ADAMTSL5: variants seen among roughly 807,000 people sequenced by gnomAD.
ADAMTSL5 encodes the protein ADAMTS-like protein 5.
In ADAMTSL5, 53 loss-of-function variants were observed where a neutral mutation model predicts 51.7. The observed-to-expected ratio is 1.03, with a 90% CI of 0.82 to 1.29. The LOEUF (loss-of-function observed/expected upper bound fraction) is 1.29, where lower values mean the gene tolerates loss of function less well. Among genes scored for constraint, ADAMTSL5 ranks in the 50% most tolerant of loss-of-function variants. ADAMTSL5 has a pLI of 0.00. For synonymous variants in ADAMTSL5, 285 were observed against 278.7 expected, an observed-to-expected ratio of 1.02 and a Z score of -0.23; for missense variants, 770 against 676.2, an observed-to-expected ratio of 1.14 and a Z score of -1.54.
In ADAMTSL5 at chr19:1,510,394, G is replaced by T. The variant is rs1373822410; in HGVS notation, c.226C>A (p.His76Asn). The change falls in exon 4 of 12, where the codon CAT (histidine) becomes AAT (asparagine). Residue 76 changes from histidine (H) to asparagine (N), a missense_variant. Coordinates refer to ENST00000330475, the MANE Select transcript of ADAMTSL5 (RefSeq NM_213604.3). ...GGCAACTGGCAGAGGCGGTACTCAT[G>T]GGAGTCTCCCCAGCACGGTTCTTCC... Reference protein sequence around the residue: ...PGEEPCWGDSHEYRLCQLPDC... With the variant: ...PGEEPCWGDSNEYRLCQLPDC... 6.2e-7 allele frequency: 1 copy of T among 1,612,988 alleles called. No homozygotes were observed. The highest frequency in any genetic ancestry group is 1.1e-5 in the South Asian group (1 of 91,004).
At chr19:1,507,897 G>A in intron 7 of ADAMTSL5, 101 bp downstream of exon 7, 2 of 1,306,564 alleles carry the variant, frequency 1.5e-6, no homozygotes, top group Admixed American at 2.1e-5. Flanking sequence ...GGGGGGCTGG[G>A]CCGCACACTG....
rs1298104907 is a variant in ADAMTSL5, at chr19:1,513,018, G to A, written c.-273C>T. On this transcript the variant is annotated 5_prime_UTR_variant, in exon 1 of 12. Transcript: ENST00000330475. This position sits in a 1 kb window ranked among gnomAD's most constrained non-coding sequence, Gnocchi z 9.9. ...GGCTCCCTGAGCGGCCCCAGGGCGA[G>A]CGGAAGCGGCGGGGCCCAAGGTGCT... 3.3e-5 allele frequency: 5 copies of A among 152,192 alleles called. No individual in the cohort carries two copies. The highest frequency in any genetic ancestry group is 3.3e-4 in the Admixed American group (5 of 15,272). 9.4% of individuals were successfully genotyped at this position (152,192 alleles called of 1,614,324 possible).
At position 1,507,510 on chromosome 19, in the gene ADAMTSL5, C is replaced by T. The variant is rs147120063; in HGVS notation, c.688+47G>A. On this transcript the variant is annotated intron_variant, in intron 8 of 11. Transcript: ENST00000330475. ...CCCCATCTGTAAACAGGGACAACCG[C>T]CCCCGGGTGCCCAGCCGGGTGCCTC... 1,398 of 1,611,028 alleles carry T rather than the reference C, an allele frequency of 8.7e-4. 24 individuals carry two copies. In the East Asian group the frequency reaches 0.024, roughly 27 times the overall value.
At chr19:1,512,522 A>T (rs1183551912) in intron 1 of ADAMTSL5, among the ~76,000 whole-genome samples, 1 of 152,148 alleles carries the variant, frequency 6.6e-6, no homozygotes. Context: ...CTGTACTAAA[A>T]CACAAAAATT....
chr19:1,511,741 G>A (rs1313115005), intron 1 of ADAMTSL5: 3 of 465,576 alleles, frequency 6.4e-6, no homozygotes, highest in South Asian at 1.7e-5. Flanking sequence ...CGGAAGGTGC[G>A]GCCGGCAGGG....
At chr19:1,509,056 G>GC (rs1913113526) in intron 5 of ADAMTSL5, 1 of 151,976 alleles carries the variant, frequency 6.6e-6, no homozygotes, top group African/African-American at 2.4e-5. Context: ...ACCAGCCTGG[G>GC]CAACATGGCG....
rs752344317 is a variant in ADAMTSL5 at position 1,505,853 on chromosome 19, G to C, written c.*162C>G. 8 of 893,472 alleles carry C rather than the reference G, an allele frequency of 9.0e-6. No individual in the cohort carries two copies. The highest frequency in any genetic ancestry group is 1.1e-5 in the Non-Finnish European group (7 of 625,140). 55.3% of individuals were successfully genotyped at this position (893,472 alleles called of 1,614,324 possible). The stretch of plus-strand genomic sequence containing the variant: ...CTTGTGACAGTGGCTTTGACTGCAT[G>C]CAGAGGTGTCTTAAGCGTGTGTGGG... On this transcript the variant is annotated 3_prime_UTR_variant, in exon 12 of 12. Transcript: ENST00000330475.
Position 1,507,621 on chromosome 19 carries a change from G to T in ADAMTSL5, c.624C>A (p.Asn208Lys), listed in dbSNP as rs537539967. 2 of 1,613,444 alleles carry T rather than the reference G, an allele frequency of 1.2e-6. No homozygotes were observed. The highest frequency in any genetic ancestry group is 8.5e-7 in the Non-Finnish European group (1 of 1,180,014). The change falls in exon 8 of 12, where the codon AAC becomes AAA. Residue 208 changes from asparagine (N) to lysine (K), a missense_variant. Transcript: ENST00000330475. Reference protein sequence around the residue: ...RDAGAFAGYWNVTLIPEGARH... With the variant: ...RDAGAFAGYWKVTLIPEGARH... ...TGGCGCCCTCGGGGATCAGGGTCAC[G>T]TTCCAGTACCCAGCGAAGGCACCTG...
At chr19:1,511,846 T>A (rs1181978811) in intron 1 of ADAMTSL5, 1 of 322,726 alleles carries the variant, frequency 3.1e-6, no homozygotes, top group East Asian at 8.4e-5. Context: ...TCCCCCGGAT[T>A]GGGGATGGGA....
chr19:1,507,252 A>G lies in ADAMTSL5; in HGVS notation c.842T>C (p.Leu281Pro). ...LQAAGPTSHD[L>P]LLQVLLQEPN... ...GAGGCCCAGTGGCACCTGTAGGAGC[A>G]GGTCATGGGAGGTGGGCCCGGCTGC... is the stretch of plus-strand genomic sequence containing the variant. The change falls in exon 9 of 12, where the codon CTG becomes CCG. Residue 281 changes from leucine to proline, a missense_variant. By Grantham distance (98) the Leu-to-Pro change is moderately conservative. Coordinates refer to ENST00000330475, the MANE Select transcript of ADAMTSL5 (RefSeq NM_213604.3). 6.5e-7 allele frequency: 1 copy of G among 1,533,540 alleles called. No individual in the cohort carries two copies. Among genetic ancestry groups the G allele is most frequent in the Non-Finnish European group, 8.8e-7 (1 of 1,141,770 alleles). The allele number at this position is 1,533,540 out of a possible 1,614,324, so 95.0% of individuals were successfully genotyped here. A position where few individuals can be genotyped will look rare whatever the true frequency, so the allele number is the denominator to read the frequency against.
Position 1,507,881 on chromosome 19 carries a change from G to C in ADAMTSL5, c.601+117C>G, listed in dbSNP as rs149571196. ...TCTGTCAGTAGCCAATCAGGATGAGGAGAAAGGGGGGCTGGGCCGCACACT... is the reference window on the plus strand; with the variant it reads ...TCTGTCAGTAGCCAATCAGGATGAGCAGAAAGGGGGGCTGGGCCGCACACT... On this transcript the variant is annotated intron_variant, in intron 7 of 11. Transcript: ENST00000330475. 74 of 1,209,834 alleles carry C rather than the reference G, an allele frequency of 6.1e-5. No individual in the cohort carries two copies. The South Asian group carries it at 8.1e-4, about 13-fold the overall frequency. The allele number at this position is 1,209,834 out of a possible 1,614,324, so 74.9% of individuals were successfully genotyped here. A position where few individuals can be genotyped will look rare whatever the true frequency, so the allele number is the denominator to read the frequency against.
chr19:1,512,537 C>G (rs147581702), intron 1 of ADAMTSL5, among the ~76,000 whole-genome samples: 1,962 of 152,246 alleles, frequency 0.013, 48 homozygotes, highest in African/African-American at 0.045. Context: ...AAAATTAGCC[C>G]GGTGTGGTGG....
At chr19:1,508,372 G>A in intron 6 of ADAMTSL5, 71 bp downstream of exon 6, 1 of 1,443,576 alleles carries the variant, frequency 6.9e-7, no homozygotes, top group East Asian at 2.6e-5. Flanking sequence ...GAGGGCGGAG[G>A]TGGAGCCTAG....
Position 1,507,272 on chromosome 19 carries a change from G to T in ADAMTSL5, c.822C>A (p.Ala274=), listed in dbSNP as rs749853197. 6 of 1,557,194 alleles carry T rather than the reference G, an allele frequency of 3.9e-6. No homozygotes were observed. Among genetic ancestry groups the T allele is most frequent in the Non-Finnish European group, 5.2e-6 (6 of 1,152,676 alleles). ...GGAGCAGGTCATGGGAGGTGGGCCCGGCTGCTTGCAATGTCTCCTGGGGCC... is the reference window on the plus strand; with the variant it reads ...GGAGCAGGTCATGGGAGGTGGGCCCTGCTGCTTGCAATGTCTCCTGGGGCC... ...DTGPQETLQA[A]GPTSHDLLLQ... is the part of the protein sequence containing the mutation. Residue 274 remains alanine (A), a synonymous_variant, in exon 9 of 12, where the codon GCC becomes GCA. Coordinates refer to ENST00000330475, the MANE Select transcript of ADAMTSL5 (RefSeq NM_213604.3).
chr19:1,510,738 G>T lies in ADAMTSL5; in HGVS notation c.100-8C>A. 1 of 1,530,380 alleles carries T rather than the reference G, an allele frequency of 6.5e-7. No individual in the cohort carries two copies. Among genetic ancestry groups the T allele is most frequent in the South Asian group, 1.2e-5 (1 of 82,752 alleles). 94.8% of individuals were successfully genotyped at this position (1,530,380 alleles called of 1,614,324 possible). On this transcript the variant is annotated splice_polypyrimidine_tract_variant and splice_region_variant and intron_variant, in intron 2 of 11. Coordinates refer to ENST00000330475, the MANE Select transcript of ADAMTSL5 (RefSeq NM_213604.3). The stretch of plus-strand genomic sequence containing the variant: ...GGTCCACTCGCCCGGACCCTACTTG[G>T]GGAGACAGAGGCACGGTCAGCCTTG...
chr19:1,506,122 C>G lies in ADAMTSL5; in HGVS notation c.1309G>C (p.Asp437His). 6.2e-7 allele frequency: 1 copy of G among 1,607,390 alleles called. No homozygotes were observed. Among genetic ancestry groups the G allele is most frequent in the Non-Finnish European group, 8.5e-7 (1 of 1,177,876 alleles). The change falls in exon 12 of 12, where the codon GAC becomes CAC. Residue 437 changes from aspartate to histidine, a missense_variant. Asp to His is a moderately conservative substitution (Grantham distance 81). Coordinates refer to ENST00000330475, the MANE Select transcript of ADAMTSL5 (RefSeq NM_213604.3). This position sits in a 1 kb window ranked among gnomAD's most constrained non-coding sequence, Gnocchi z 5.6. ...LMAVQRLVSP[D>H]GTQDQLLLPH... Reference sequence around the variant, plus strand: ...AGCAGCAGCTGGTCCTGTGTGCCGTCGGGGCTGACAAGACGCTGGACAGCC... The same window carrying G: ...AGCAGCAGCTGGTCCTGTGTGCCGTGGGGGCTGACAAGACGCTGGACAGCC...
In ADAMTSL5 at chr19:1,507,537, C is replaced by T. The variant is rs757001883; in HGVS notation, c.688+20G>A. 7 of 1,612,732 alleles carry T rather than the reference C, an allele frequency of 4.3e-6. No individual in the cohort carries two copies. Among genetic ancestry groups the T allele is most frequent in the Non-Finnish European group, 5.1e-6 (6 of 1,179,744 alleles). ...CCCGGGTGCCCAGCCGGGTGCCTCTCGCCTCACATCCTAGGATACCCAGGT... is the reference window on the plus strand; with the variant it reads ...CCCGGGTGCCCAGCCGGGTGCCTCTTGCCTCACATCCTAGGATACCCAGGT... On this transcript the variant is annotated intron_variant, in intron 8 of 11. Coordinates refer to ENST00000330475, the MANE Select transcript of ADAMTSL5 (RefSeq NM_213604.3).
chr19:1,506,183 G>A lies in ADAMTSL5; in HGVS notation c.1248C>T (p.Pro416=). The A allele has an allele frequency of 6.2e-7, 1 of 1,609,162 alleles. No homozygotes were observed. Among genetic ancestry groups the A allele is most frequent in the South Asian group, 1.1e-5 (1 of 90,698 alleles). The change falls in exon 12 of 12, where the codon CCC becomes CCT. Residue 416 remains proline, a synonymous_variant. Transcript: ENST00000330475. The surrounding 1 kb of genome is among the most constrained non-coding windows in gnomAD (Gnocchi z 5.6). ...CCCGGTGGGGTGCCAGCATCGGGCA[G>A]GGGCAGTGGCCTGGCGCCCACACGT... The part of the protein sequence containing the change: ...REYVWAPGHC[P]CPMLAPHRDY...
chr19:1,507,449 C>G, intron 8 of ADAMTSL5, 44 bp from the exon 9 acceptor site: 1 of 1,602,620 alleles, frequency 6.2e-7, no homozygotes, highest in Non-Finnish European at 8.5e-7. Flanking sequence ...CGTCTCGTCT[C>G]CCAGACCCTG....
Sources: gnomAD v4.1 joint callset for allele counts (sites outside exome capture counted in the v4.1 genomes callset) on GRCh38, gnomAD v4.1.1 for gene constraint, Gnocchi (gnomAD v3.1) non-coding constraint, MANE v1.5 for transcripts, NCBI Gene and HGNC (gene_info 2026-07-23, HGNC 2026-07-21) for gene names.